Variants in NR3C2 observed in about 807,000 individuals in gnomAD.
NR3C2 encodes nuclear receptor subfamily 3 group C member 2, also known as mineralocorticoid receptor.
Under a neutral mutation model 86.4 loss-of-function variants are expected in NR3C2, and 15 were observed. The ratio of observed to expected loss-of-function variants is 0.17; its 90% CI spans 0.12 to 0.27. The LOEUF is 0.27. Ranked by LOEUF, NR3C2 falls within the 10% of genes least tolerant of loss-of-function variation. NR3C2 has a pLI of 1.00. For synonymous variants in NR3C2, 458 were observed against 450.5 expected, an observed-to-expected ratio of 1.02 and a Z score of -0.21; for missense variants, 960 against 1,195.6, an observed-to-expected ratio of 0.80 and a Z score of 2.91.
chr4:148,385,261 G>T (rs1336362686), intron 2 of NR3C2, among the ~76,000 whole-genome samples: 5 of 152,128 alleles, frequency 3.3e-5, no homozygotes, highest in Admixed American at 3.3e-4. Context: ...CATCATGTAG[G>T]TCATCTAAAA....
At chr4:148,102,561 C>T (rs1179932161) in intron 8 of NR3C2, among the ~76,000 whole-genome samples, 1 of 152,110 alleles carries the variant, frequency 6.6e-6, no homozygotes, top group African/African-American at 2.4e-5. Flanking sequence ...TCAACCTCCC[C>T]ATCCCTTTCA....
intron 2 of NR3C2, among the ~76,000 whole-genome samples, chr4:148,348,614 CA>C (rs1579190180): frequency 6.6e-6 from 1 of 151,818 alleles, no homozygotes; most frequent in African/African-American, 2.4e-5. Context: ...TTATGAACTC[CA>C]ATTTTTGTAC....
intron 2 of NR3C2, among the ~76,000 whole-genome samples, chr4:148,408,261 C>T (rs913176494): frequency 2.6e-5 from 4 of 152,018 alleles, no homozygotes; most frequent in Non-Finnish European, 4.4e-5. Flanking sequence ...CAGGCCTCAA[C>T]GAATTAGAGA....
At chr4:148,280,637 T>C (rs963832738) in intron 2 of NR3C2, among the ~76,000 whole-genome samples, 15 of 152,132 alleles carry the variant, frequency 9.9e-5, no homozygotes, top group Admixed American at 5.2e-4. Flanking sequence ...TAGCTGGGAC[T>C]ACAGATGTGA....
chr4:148,140,840 G>A (rs61764573), intron 6 of NR3C2, among the ~76,000 whole-genome samples: 290 of 152,228 alleles, frequency 1.9e-3, no homozygotes, highest in Non-Finnish European at 3.0e-3. Context: ...TCCATTTGCA[G>A]TCTCATATTT....
At chr4:148,209,033 T>C (rs1039385125) in intron 3 of NR3C2, among the ~76,000 whole-genome samples, 7 of 151,704 alleles carry the variant, frequency 4.6e-5, no homozygotes, top group Admixed American at 1.3e-4. Flanking sequence ...ACCTTAAAGT[T>C]AGGAGTTCAA....
intron 2 of NR3C2, among the ~76,000 whole-genome samples, chr4:148,287,709 T>C (rs1741593192): frequency 6.6e-6 from 1 of 152,192 alleles, no homozygotes; most frequent in Non-Finnish European, 1.5e-5. Context: ...GTAGGAAATA[T>C]GTCACACAAT....
At chr4:148,353,784 T>C (rs1490405012) in intron 2 of NR3C2, among the ~76,000 whole-genome samples, 3 of 152,156 alleles carry the variant, frequency 2.0e-5, no homozygotes, top group Admixed American at 2.0e-4. Flanking sequence ...ATATCATTCT[T>C]CTTACTGACT....
intron 4 of NR3C2, among the ~76,000 whole-genome samples, chr4:148,164,709 C>T (rs927833170): frequency 1.3e-5 from 2 of 152,102 alleles, no homozygotes; most frequent in African/African-American, 4.8e-5. Context: ...ACATGAAACA[C>T]GATCTCATTG....
intron 7 of NR3C2, among the ~76,000 whole-genome samples, chr4:148,116,615 C>T (rs553085396): frequency 6.6e-6 from 1 of 152,248 alleles, no homozygotes; most frequent in Admixed American, 6.5e-5. Context: ...TGTGTTCTAT[C>T]ATAGATTAGC....
chr4:148,333,300 G>C (rs969791513), intron 2 of NR3C2, among the ~76,000 whole-genome samples: 5 of 151,998 alleles, frequency 3.3e-5, no homozygotes, highest in Admixed American at 2.0e-4. Context: ...TCTATGTTAT[G>C]AAAAACTAGA....
At chr4:148,443,267 AAGAT>A (rs1279844498), upstream of NR3C2, among the ~76,000 whole-genome samples, 100 of 147,564 alleles carry the variant, frequency 6.8e-4, no homozygotes, top group African/African-American at 2.1e-3. Context: ...GAGAGAGAGA[AAGAT>A]AAATGAAAGA....
At chr4:148,082,949 C>A (rs1560911140) in intron 8 of NR3C2, among the ~76,000 whole-genome samples, 1 of 151,984 alleles carries the variant, frequency 6.6e-6, no homozygotes, top group African/African-American at 2.4e-5. Flanking sequence ...CCAGTGTAAA[C>A]AGAGCCACCG....
chr4:148,103,240 G>A (rs575406509), intron 8 of NR3C2, among the ~76,000 whole-genome samples: 13 of 152,244 alleles, frequency 8.5e-5, no homozygotes, highest in African/African-American at 2.6e-4. Flanking sequence ...CTGACACTCC[G>A]TATCACACCA....
At chr4:148,103,617 A>G (rs765428383) in intron 8 of NR3C2, among the ~76,000 whole-genome samples, 9 of 152,238 alleles carry the variant, frequency 5.9e-5, no homozygotes, top group Admixed American at 1.3e-4. Flanking sequence ...GCCTCTTTCC[A>G]ACAAGTTTGA....
chr4:148,258,688 G>A (rs1739945288), intron 3 of NR3C2, among the ~76,000 whole-genome samples: 1 of 152,212 alleles, frequency 6.6e-6, no homozygotes, highest in Non-Finnish European at 1.5e-5. Context: ...CACCATGAGA[G>A]AACGTGCATG....
At chr4:148,256,735 C>T (rs1481569928) in intron 3 of NR3C2, among the ~76,000 whole-genome samples, 1 of 151,976 alleles carries the variant, frequency 6.6e-6, no homozygotes, top group Non-Finnish European at 1.5e-5. Context: ...ATAAGTGATT[C>T]AAATTTAAAA....
chr4:148,258,218 T>C (rs184450602), intron 3 of NR3C2, among the ~76,000 whole-genome samples: 1 of 152,276 alleles, frequency 6.6e-6, no homozygotes, highest in Admixed American at 6.5e-5. Flanking sequence ...ACTTACTTTG[T>C]TTACTAATTA....
chr4:148,357,669 C>T (rs1030388022), intron 2 of NR3C2, among the ~76,000 whole-genome samples: 4 of 152,154 alleles, frequency 2.6e-5, no homozygotes, highest in African/African-American at 7.2e-5. Flanking sequence ...AAAGCCTCCA[C>T]CAAAGGCTCT....
Sources: allele counts gnomAD v4.1 joint callset (sites outside exome capture counted in the v4.1 genomes callset), GRCh38; gene constraint gnomAD v4.1.1; transcripts MANE v1.5; gene names NCBI Gene and HGNC (gene_info 2026-07-23, HGNC 2026-07-21).